The following RSPH1 variants were observed in gnomAD, a reference collection of about 807,000 sequenced individuals.
RSPH1 encodes radial spoke head 1 homolog.
Under a neutral mutation model 44.2 loss-of-function variants are expected in RSPH1, and 32 were observed. The observed-to-expected ratio is 0.72, with a 90% CI of 0.55 to 0.97. RSPH1 has a LOEUF of 0.97. Ranked by LOEUF, RSPH1 falls within the 50% of genes least tolerant of loss-of-function variation. RSPH1 has a pLI of 0.00. For missense variants in RSPH1, 391 were observed against 398.7 expected (o/e 0.98, Z 0.16); for synonymous variants, 134 against 147.3 (o/e 0.91, Z 0.65).
chr21:42,491,843 A>G (rs1454858453), intron 3 of RSPH1, among the ~76,000 whole-genome samples: 1 of 152,222 alleles, frequency 6.6e-6, no homozygotes, highest in African/African-American at 2.4e-5. Context: ...CAAGTGGTAC[A>G]TCACAGTCCT....
intron 8 of RSPH1, among the ~76,000 whole-genome samples, chr21:42,475,659 C>T (rs1347202072): frequency 1.4e-5 from 2 of 142,970 alleles, no homozygotes; most frequent in East Asian, 2.1e-4. Context: ...CCTGTGACAA[C>T]GCGCATGGGC....
At chr21:42,480,351 T>C (rs2146648639) in intron 6 of RSPH1, among the ~76,000 whole-genome samples, 1 of 152,236 alleles carries the variant, frequency 6.6e-6, no homozygotes, top group African/African-American at 2.4e-5. Flanking sequence ...GTTAAAAAAC[T>C]GTCTGGAGGG....
rs760910749 is a variant in RSPH1 at position 42,472,906 on chromosome 21, T to A, written c.878-36A>T. 8 of 1,465,218 alleles carry A rather than the reference T, an allele frequency of 5.5e-6. No individual in the cohort carries two copies. In the East Asian group the frequency reaches 1.8e-4, roughly 33 times the overall value. 90.8% of individuals were successfully genotyped at this position (1,465,218 alleles called of 1,614,324 possible). A position where few individuals can be genotyped will look rare whatever the true frequency, so the allele number is the denominator to read the frequency against. On this transcript the variant is annotated intron_variant, in intron 8 of 8. Transcript: ENST00000291536. ...AAGAGAAACATGAGTATATCTCATA[T>A]TTACTTTGTTCTATTTTTAAAGCCT...
intron 8 of RSPH1, among the ~76,000 whole-genome samples, chr21:42,475,384 C>T (rs1369575972): frequency 1.3e-5 from 2 of 151,802 alleles, no homozygotes; most frequent in East Asian, 1.9e-4. Context: ...CTGTCCAACA[C>T]GGTGAAACCC....
chr21:42,486,900 G>A (rs2054186582), intron 3 of RSPH1, among the ~76,000 whole-genome samples: 1 of 152,194 alleles, frequency 6.6e-6, no homozygotes, highest in South Asian at 2.1e-4. Flanking sequence ...CATTGCCAGT[G>A]ATCCTAACAC....
At chr21:42,493,967 G>A (rs995831860) in intron 1 of RSPH1, among the ~76,000 whole-genome samples, 1 of 152,190 alleles carries the variant, frequency 6.6e-6, no homozygotes, top group African/African-American at 2.4e-5. Flanking sequence ...GCCCTGGCTG[G>A]TCTCAAAGTC....
At chr21:42,479,699 A>G (rs1488644668) in intron 6 of RSPH1, among the ~76,000 whole-genome samples, 1 of 150,756 alleles carries the variant, frequency 6.6e-6, no homozygotes, top group African/African-American at 2.4e-5. Flanking sequence ...TGTCTTTCTT[A>G]GGCTTCTGAC....
intron 1 of RSPH1, among the ~76,000 whole-genome samples, chr21:42,495,749 C>T (rs2054281131): frequency 6.6e-6 from 1 of 152,172 alleles, no homozygotes; most frequent in South Asian, 2.1e-4. Context: ...ATCTCAGCTA[C>T]AGAAATGACT....
intron 3 of RSPH1, among the ~76,000 whole-genome samples, chr21:42,491,121 G>A (rs879611893): frequency 6.6e-5 from 10 of 152,072 alleles, no homozygotes; most frequent in Non-Finnish European, 1.5e-4. Flanking sequence ...CCTATGAGCC[G>A]CTATGGCACA....
At chr21:42,494,849 G>A (rs1056952628) in intron 1 of RSPH1, among the ~76,000 whole-genome samples, 10 of 151,900 alleles carry the variant, frequency 6.6e-5, no homozygotes, top group Non-Finnish European at 1.2e-4. Flanking sequence ...ACAGGTGCCC[G>A]CCACCATGCC....
At chr21:42,476,322 GT>G (rs535056755) in intron 7 of RSPH1, among the ~76,000 whole-genome samples, 169 of 152,196 alleles carry the variant, frequency 1.1e-3, no homozygotes, top group African/African-American at 3.5e-3. Flanking sequence ...AGAAAGAGAA[GT>G]CCCCTGGGGT....
chr21:42,492,693 A>C, intron 3 of RSPH1, 65 bp downstream of exon 3: 1 of 896,166 alleles, frequency 1.1e-6, no homozygotes, highest in Non-Finnish European at 1.8e-6. Flanking sequence ...ATTCACAGAC[A>C]AGTTCAGTCA....
At position 42,474,415 on chromosome 21, in the gene RSPH1, C is replaced by G. The variant is rs1005528755; in HGVS notation, c.877+1483G>C. Among the ~76,000 whole-genome samples, 44 of 152,208 alleles carry G rather than the reference C, an allele frequency of 2.9e-4. No homozygotes were observed. Among genetic ancestry groups the G allele is most frequent in the African/African-American group, 1.0e-3 (43 of 41,432 alleles). ...ACATGGTAACACGTCCCTGTCACTGCAGGGAACTCACTGATTCCTTTATTC... is the reference window on the plus strand; with the variant it reads ...ACATGGTAACACGTCCCTGTCACTGGAGGGAACTCACTGATTCCTTTATTC... On this transcript the variant is annotated intron_variant, in intron 8 of 8. Transcript: ENST00000291536. This position sits in a 1 kb window ranked among gnomAD's most constrained non-coding sequence, Gnocchi z 5.2.
intron 3 of RSPH1, among the ~76,000 whole-genome samples, chr21:42,492,039 A>C (rs995597873): frequency 2.0e-5 from 3 of 152,242 alleles, no homozygotes; most frequent in African/African-American, 7.2e-5. Flanking sequence ...TGGAAATCTG[A>C]AGAAAACTAG....
At chr21:42,480,172 G>A (rs1568961230) in intron 6 of RSPH1, among the ~76,000 whole-genome samples, 1 of 152,176 alleles carries the variant, frequency 6.6e-6, no homozygotes, top group Non-Finnish European at 1.5e-5. Context: ...AGGAAAAGAG[G>A]GTGGCTGAGG....
At position 42,482,646 on chromosome 21, in the gene RSPH1, T is replaced by G; in HGVS notation, c.564A>C (p.Leu188Phe). The change falls in exon 6 of 9, where the codon TTA becomes TTC. Residue 188 changes from leucine (L) to phenylalanine (F), a missense_variant. Transcript: ENST00000291536. The part of the protein sequence containing the change: ...VGCEQHGEYR[L>F]TDMERGEEEE... ...ATGCTCCGCAACTTACCATATCTGT[T>G]AAACGATATTCACCATGTTGTTCAC... 1 of 1,611,736 alleles carries G rather than the reference T, an allele frequency of 6.2e-7. No homozygotes were observed.
chr21:42,484,192 A>G (rs1322058960), intron 5 of RSPH1, among the ~76,000 whole-genome samples: 1 of 152,232 alleles, frequency 6.6e-6, no homozygotes, highest in African/African-American at 2.4e-5. Flanking sequence ...TTTTTTACCC[A>G]TAAGATTGGA....
At chr21:42,495,894 G>A in intron 1 of RSPH1, 4 of 534,960 alleles carry the variant, frequency 7.5e-6, no homozygotes. Context: ...GAGGCAGGAT[G>A]GGGGTGGGGG....
In RSPH1 at chr21:42,477,849, G is replaced by A. The variant is rs531988731; in HGVS notation, c.574-405C>T. On this transcript the variant is annotated intron_variant, in intron 6 of 8. Transcript: ENST00000291536. ...TTTTGCAACTCTAATATAAAAAATC[G>A]TGTATTATATAATTATATGTCTATT... Among the ~76,000 whole-genome samples the A allele has an allele frequency of 2.1e-4, 32 of 152,200 alleles. 1 individual carries two copies. In the South Asian group the frequency reaches 3.7e-3, roughly 18 times the overall value.
Sources: allele counts gnomAD v4.1 joint callset (sites outside exome capture counted in the v4.1 genomes callset), GRCh38; gene constraint gnomAD v4.1.1; non-coding constraint Gnocchi (gnomAD v3.1); transcripts MANE v1.5; gene names NCBI Gene and HGNC (gene_info 2026-07-23, HGNC 2026-07-21).